Variants in EXOC6B observed in about 807,000 individuals in gnomAD.
EXOC6B encodes SEC15 homolog B.
EXOC6B carries 54 observed loss-of-function variants against 113.5 expected under a neutral mutation model. The observed-to-expected ratio is 0.48, with a 90% CI of 0.38 to 0.60. The LOEUF (loss-of-function observed/expected upper bound fraction) is 0.60, where lower values mean the gene tolerates loss of function less well. EXOC6B is among the 20% of genes least tolerant of loss of function. EXOC6B has a pLI of 0.00. For synonymous variants in EXOC6B, 357 were observed against 339.0 expected, an observed-to-expected ratio of 1.05 and a Z score of -0.58; for missense variants, 797 against 977.5, an observed-to-expected ratio of 0.82 and a Z score of 2.46.
At chr2:72,522,967 G>A (rs757548834) in intron 8 of EXOC6B, among the ~76,000 whole-genome samples, 5 of 152,056 alleles carry the variant, frequency 3.3e-5, no homozygotes, top group Non-Finnish European at 7.4e-5. Context: ...CCATACAAAT[G>A]CTAGAACTAA....
chr2:72,402,424 T>C (rs1693400226), intron 18 of EXOC6B, among the ~76,000 whole-genome samples: 1 of 152,166 alleles, frequency 6.6e-6, no homozygotes, highest in South Asian at 2.1e-4. Context: ...TTCCCATGAA[T>C]TCACTTTTGC....
chr2:72,414,179 A>G (rs1694372641), intron 18 of EXOC6B, among the ~76,000 whole-genome samples: 1 of 152,182 alleles, frequency 6.6e-6, no homozygotes, highest in African/African-American at 2.4e-5. Flanking sequence ...GTTGTCTCCA[A>G]TTTTACAAGT....
At chr2:72,279,700 G>C (rs1297659341) in intron 20 of EXOC6B, among the ~76,000 whole-genome samples, 1 of 151,960 alleles carries the variant, frequency 6.6e-6, no homozygotes, top group Non-Finnish European at 1.5e-5. Flanking sequence ...TGCAACCTCT[G>C]CCTCCCAGGC....
At chr2:72,752,928 T>A (rs186375326) in intron 1 of EXOC6B, among the ~76,000 whole-genome samples, 1 of 152,222 alleles carries the variant, frequency 6.6e-6, no homozygotes, top group Admixed American at 6.5e-5. Context: ...TCTTCTTCCC[T>A]CTACCCCTGA....
At chr2:72,258,805 C>A (rs1573109124) in intron 20 of EXOC6B, among the ~76,000 whole-genome samples, 1 of 152,268 alleles carries the variant, frequency 6.6e-6, no homozygotes, top group Admixed American at 6.5e-5. Context: ...GTCACTGCAG[C>A]TGTTACTGCT....
chr2:72,460,697 A>T (rs867810412), intron 18 of EXOC6B, among the ~76,000 whole-genome samples: 19 of 152,086 alleles, frequency 1.2e-4, no homozygotes, highest in African/African-American at 4.6e-4. Flanking sequence ...TCATTAAAAA[A>T]TCAGGAAACT....
At chr2:72,497,969 T>C (rs1700123798) in intron 13 of EXOC6B, among the ~76,000 whole-genome samples, 1 of 152,212 alleles carries the variant, frequency 6.6e-6, no homozygotes, top group South Asian at 2.1e-4. Context: ...TGGGCTGTAA[T>C]ATGCCCCTTT....
intron 6 of EXOC6B, among the ~76,000 whole-genome samples, chr2:72,658,787 C>G (rs1674796679): frequency 1.3e-5 from 2 of 152,046 alleles, no homozygotes. Context: ...ACTCCATAAT[C>G]AGGAGTTACT....
intron 20 of EXOC6B, among the ~76,000 whole-genome samples, chr2:72,252,473 A>G (rs1415379522): frequency 6.6e-6 from 1 of 152,128 alleles, no homozygotes; most frequent in African/African-American, 2.4e-5. Context: ...ACTCTGTCAC[A>G]AAAAACAAAC....
intron 16 of EXOC6B, among the ~76,000 whole-genome samples, chr2:72,484,266 T>C (rs905216761): frequency 6.6e-6 from 1 of 151,756 alleles, no homozygotes; most frequent in Non-Finnish European, 1.5e-5. Context: ...CTCTTAAAGA[T>C]CCGTCCCCTC....
At chr2:72,571,206 C>G (rs1704492937) in intron 7 of EXOC6B, among the ~76,000 whole-genome samples, 1 of 152,110 alleles carries the variant, frequency 6.6e-6, no homozygotes, top group Non-Finnish European at 1.5e-5. Flanking sequence ...CCTGCATATG[C>G]CCACAGGGTG....
At chr2:72,352,062 G>A (rs1026227708) in intron 19 of EXOC6B, among the ~76,000 whole-genome samples, 1 of 152,096 alleles carries the variant, frequency 6.6e-6, no homozygotes, top group African/African-American at 2.4e-5. Context: ...CACACTTGAT[G>A]GGTAACACCT....
chr2:72,717,566 T>A (rs1679700679), intron 6 of EXOC6B, among the ~76,000 whole-genome samples: 1 of 152,214 alleles, frequency 6.6e-6, no homozygotes, highest in South Asian at 2.1e-4. Context: ...ATGAAGATTT[T>A]TTTAACAAAT....
intron 1 of EXOC6B, among the ~76,000 whole-genome samples, chr2:72,809,392 A>C (rs774440582): frequency 6.6e-6 from 1 of 152,212 alleles, no homozygotes; most frequent in Admixed American, 6.5e-5. Context: ...AAAATGACAT[A>C]TCATCCAAAC....
intron 6 of EXOC6B, among the ~76,000 whole-genome samples, chr2:72,680,738 CA>C (rs369345119): frequency 4.1e-4 from 54 of 131,750 alleles, no homozygotes; most frequent in Admixed American, 4.6e-4. Flanking sequence ...GACTCCATCT[CA>C]AAAAAAAAAA....
At chr2:72,351,995 C>T (rs1011754778) in intron 19 of EXOC6B, among the ~76,000 whole-genome samples, 2 of 152,112 alleles carry the variant, frequency 1.3e-5, no homozygotes, top group African/African-American at 4.8e-5. Context: ...TCTTTATTTT[C>T]TCTCACAATT....
At position 72,530,965 on chromosome 2, in the gene EXOC6B, A is replaced by T. The variant is rs567216188; in HGVS notation, c.916-15839T>A. ...TTTTCACTTTCAACCTGCCTATATC[A>T]TTATACTTAAAGTGATTTTTCTATA... On this transcript the variant is annotated intron_variant, in intron 8 of 21. Coordinates refer to ENST00000272427, the MANE Select transcript of EXOC6B (RefSeq NM_015189.3). 5.3e-5 allele frequency among the ~76,000 whole-genome samples: 8 copies of T among 152,066 alleles called. No homozygotes were observed. The East Asian group carries it at 1.5e-3, about 29-fold the overall frequency.
chr2:72,364,924 C>T (rs890852652), intron 19 of EXOC6B, among the ~76,000 whole-genome samples: 1 of 151,936 alleles, frequency 6.6e-6, no homozygotes, highest in African/African-American at 2.4e-5. Flanking sequence ...CTATTTTTTC[C>T]TCAAAATTCA....
chr2:72,447,548 G>A (rs955343880), intron 18 of EXOC6B, among the ~76,000 whole-genome samples: 1 of 151,954 alleles, frequency 6.6e-6, no homozygotes, highest in Non-Finnish European at 1.5e-5. Context: ...CTAAATGCAG[G>A]GCCAGAATAA....
Sources: gnomAD v4.1 joint callset for allele counts (sites outside exome capture counted in the v4.1 genomes callset) on GRCh38, gnomAD v4.1.1 for gene constraint, MANE v1.5 for transcripts, NCBI Gene and HGNC (gene_info 2026-07-23, HGNC 2026-07-21) for gene names.